SDK2: variants seen among roughly 807,000 people sequenced by gnomAD.
The protein encoded by SDK2 is protein sidekick-2.
In SDK2, 105 loss-of-function variants were observed where a neutral mutation model predicts 253.9. The ratio of observed to expected loss-of-function variants is 0.41; its 90% CI spans 0.35 to 0.49. SDK2 has a LOEUF of 0.49. Among genes scored for constraint, SDK2 ranks in the 20% least tolerant of loss-of-function variants. The probability of loss-of-function intolerance (pLI) is 0.06; values close to 1 mark genes in which losing one functional copy is unlikely to be tolerated. For missense variants in SDK2, 2,608 were observed against 3,003.0 expected, an observed-to-expected ratio of 0.87 and a Z score of 3.07; for synonymous variants, 1,249 against 1,234.9, an observed-to-expected ratio of 1.01 and a Z score of -0.24.
rs181532762 is a variant in SDK2, at chr17:73,440,019, C to T, written c.725+793G>A. Among the ~76,000 whole-genome samples the T allele has an allele frequency of 2.8e-3, 422 of 152,196 alleles. 1 individual carries two copies. Among genetic ancestry groups the T allele is most frequent in the Non-Finnish European group, 4.1e-3 (278 of 68,012 alleles). ...AGGCTCAGGGGTTTCATAATTGTTT[C>T]CTGTGTGGGAGAGGTGAGGGCCGCA... On this transcript the variant is annotated intron_variant, in intron 6 of 44. Coordinates refer to ENST00000392650, the MANE Select transcript of SDK2 (RefSeq NM_001144952.2).
At chr17:73,425,437 G>T (rs984506790) in intron 12 of SDK2, among the ~76,000 whole-genome samples, 1 of 152,234 alleles carries the variant, frequency 6.6e-6, no homozygotes, top group Non-Finnish European at 1.5e-5. Context: ...CTGCATTCAG[G>T]AGTCAGACTC....
intron 1 of SDK2, among the ~76,000 whole-genome samples, chr17:73,634,601 CAG>C (rs1387209348): frequency 1.3e-5 from 2 of 152,156 alleles, no homozygotes; most frequent in African/African-American, 4.8e-5. Context: ...AAGCTGGAGA[CAG>C]AGAATGTCTT....
intron 19 of SDK2, 66 bp from the exon 20 acceptor site, chr17:73,401,818 G>C: frequency 6.8e-7 from 1 of 1,462,144 alleles, no homozygotes. Context: ...CACCATCTGT[G>C]AGATAGCCTG....
At position 73,644,074 on chromosome 17, in the gene SDK2, C is replaced by G; in HGVS notation, c.15G>C (p.Leu5Phe). Residue 5 changes from leucine (L) to phenylalanine (F), a missense_variant, in exon 1 of 45, where the codon TTG becomes TTC. By Grantham distance (22) the Leu-to-Phe change is conservative. This residue lies in a region of SDK2 where 1,505 missense variants were observed against 1,859.1 expected (regional missense o/e 0.81). Coordinates refer to ENST00000392650, the MANE Select transcript of SDK2 (RefSeq NM_001144952.2). This position sits in a 1 kb window ranked among gnomAD's most constrained non-coding sequence, Gnocchi z 6.3. The stretch of plus-strand genomic sequence containing the variant: ...GATGCAGAGCTAGCAGTGTCCAGAT[C>G]AAAAGCCCCCACATGGTGACCAGCC... The part of the protein sequence containing the change: MWGL[L>F]IWTLLALHQI... The G allele has an allele frequency of 1.9e-6, 3 of 1,548,988 alleles. No individual in the cohort carries two copies. Among genetic ancestry groups the G allele is most frequent in the South Asian group, 1.2e-5 (1 of 83,944 alleles).
chr17:73,401,116 T>G lies in SDK2; in HGVS notation c.2875A>C (p.Thr959Pro). Residue 959 changes from threonine to proline, a missense_variant, in exon 21 of 45, where the codon ACC becomes CCC. Coordinates refer to ENST00000392650, the MANE Select transcript of SDK2 (RefSeq NM_001144952.2). ...VTLEYRVTGL[T>P]ALTTYTIEVA... ...TCGATGGTGTAGGTGGTGAGCGCGG[T>G]GAGGCCCGTGACACGGTACTCCAGG... is the stretch of plus-strand genomic sequence containing the variant. The G allele has an allele frequency of 6.4e-7, 1 of 1,563,570 alleles. No homozygotes were observed. The highest frequency in any genetic ancestry group is 2.4e-5 in the East Asian group (1 of 41,944).
intron 18 of SDK2, among the ~76,000 whole-genome samples, chr17:73,402,543 G>A (rs200561520): frequency 6.6e-6 from 1 of 152,232 alleles, no homozygotes; most frequent in South Asian, 2.1e-4. Flanking sequence ...TTAACTAAGT[G>A]TGGGGTCCTT....
At chr17:73,525,450 TTGGC>T (rs1203221183) in intron 1 of SDK2, among the ~76,000 whole-genome samples, 1 of 152,120 alleles carries the variant, frequency 6.6e-6, no homozygotes, top group African/African-American at 2.4e-5. Context: ...AATAGGGTGC[TTGGC>T]TGGTGACAGG....
chr17:73,355,174 A>ATATATATATATTTAT, intron 40 of SDK2, among the ~76,000 whole-genome samples: 1 of 47,224 alleles, frequency 2.1e-5, no homozygotes. Context: ...ATATATATAT[A>ATATATATATATTTAT]TTTTTTTTTT....
intron 1 of SDK2, among the ~76,000 whole-genome samples, chr17:73,564,702 G>T (rs1417958633): frequency 6.6e-6 from 1 of 152,130 alleles, no homozygotes; most frequent in East Asian, 1.9e-4. Context: ...GCGTATACCT[G>T]CAGTCCCATC....
At chr17:73,596,892 C>T (rs1042173589) in intron 1 of SDK2, among the ~76,000 whole-genome samples, 17 of 152,160 alleles carry the variant, frequency 1.1e-4, no homozygotes, top group Non-Finnish European at 2.2e-4. Flanking sequence ...ACCTTGTCTT[C>T]GGAGTTGCCC....
intron 18 of SDK2, among the ~76,000 whole-genome samples, chr17:73,410,336 CAG>C (rs2145555827): frequency 6.6e-6 from 1 of 151,610 alleles, no homozygotes; most frequent in East Asian, 1.9e-4. Context: ...TGTTTTGAGA[CAG>C]AGTCTAGCTC....
chr17:73,426,491 T>C (rs1337920567), intron 12 of SDK2, among the ~76,000 whole-genome samples: 1 of 152,156 alleles, frequency 6.6e-6, no homozygotes, highest in Admixed American at 6.5e-5. Flanking sequence ...GTTTTGTAAT[T>C]TAACCGATCC....
At chr17:73,407,946 C>T (rs896073649) in intron 18 of SDK2, among the ~76,000 whole-genome samples, 2 of 151,968 alleles carry the variant, frequency 1.3e-5, no homozygotes, top group Non-Finnish European at 2.9e-5. Context: ...AATGATAGCT[C>T]ATAGATGACT....
rs569151450 is a variant in SDK2, at chr17:73,358,311, C to G, written c.5468-107G>C. The G allele has an allele frequency of 6.2e-5, 86 of 1,395,422 alleles. No individual in the cohort carries two copies. The African/African-American group carries it at 1.1e-3, about 18-fold the overall frequency. The allele number at this position is 1,395,422 out of a possible 1,614,324, so 86.4% of individuals were successfully genotyped here. On this transcript the variant is annotated intron_variant, in intron 39 of 44. Transcript: ENST00000392650. ...ACTGGGTGACAAAACCAACCCTGGA[C>G]AGAGAGCCGCCAGGAAGCCCTGCAA...
chr17:73,349,141 C>T (rs2062512100), intron 43 of SDK2, among the ~76,000 whole-genome samples: 1 of 152,054 alleles, frequency 6.6e-6, no homozygotes, highest in South Asian at 2.1e-4. Context: ...TGTGAAATGC[C>T]CCCTTGTTAC....
intron 1 of SDK2, among the ~76,000 whole-genome samples, chr17:73,585,421 C>T (rs1354204697): frequency 1.3e-5 from 2 of 152,208 alleles, no homozygotes; most frequent in African/African-American, 4.8e-5. Flanking sequence ...GCAGGAATCC[C>T]CCGGAGGGGG....
chr17:73,519,686 G>C (rs2064060109), intron 1 of SDK2: 1 of 152,218 alleles, frequency 6.6e-6, no homozygotes, highest in Non-Finnish European at 1.5e-5. Flanking sequence ...GTCAGTGGCA[G>C]AGCTGGGTTT....
intron 15 of SDK2, among the ~76,000 whole-genome samples, chr17:73,420,108 C>T (rs918729941): frequency 2.0e-5 from 3 of 152,174 alleles, no homozygotes; most frequent in Admixed American, 6.5e-5. Flanking sequence ...GCGGGCATGG[C>T]GTGTGAGGGA....
rs2063322430 is a variant in SDK2, at chr17:73,431,096, T to C, written c.1480+406A>G. Reference sequence around the variant, plus strand: ...CTGGAACATAGCCACGCCCATTGGATGACATACCGTCTGTGGCTGCTTTCT... The same window carrying C: ...CTGGAACATAGCCACGCCCATTGGACGACATACCGTCTGTGGCTGCTTTCT... On this transcript the variant is annotated intron_variant, in intron 11 of 44. Coordinates refer to ENST00000392650, the MANE Select transcript of SDK2 (RefSeq NM_001144952.2). This position sits in a 1 kb window ranked among gnomAD's most constrained non-coding sequence, Gnocchi z 5.6. Among the ~76,000 whole-genome samples, 1 of 152,250 alleles carries C rather than the reference T, an allele frequency of 6.6e-6. No individual in the cohort carries two copies. Among genetic ancestry groups the C allele is most frequent in the African/African-American group, 2.4e-5 (1 of 41,478 alleles).
Sources: allele counts gnomAD v4.1 joint callset (sites outside exome capture counted in the v4.1 genomes callset), GRCh38; gene constraint gnomAD v4.1.1; regional missense constraint gnomAD v4.1.1; non-coding constraint Gnocchi (gnomAD v3.1); transcripts MANE v1.5; gene names NCBI Gene and HGNC (gene_info 2026-07-23, HGNC 2026-07-21).